FAM114A1: variants seen among roughly 807,000 people sequenced by gnomAD.
The protein encoded by FAM114A1 is family with sequence similarity 114 member A1, also known as protein NOXP20.
FAM114A1 carries 62 observed loss-of-function variants against 64.3 expected under a neutral mutation model. The ratio of observed to expected loss-of-function variants is 0.96; its 90% CI spans 0.79 to 1.19. The LOEUF is 1.19. FAM114A1 is among the 50% of genes most tolerant of loss of function. The pLI, the probability that FAM114A1 is intolerant of heterozygous loss-of-function variation, is 0.00. For missense variants in FAM114A1, 645 were observed against 676.3 expected (o/e 0.95, Z 0.51); for synonymous variants, 254 against 251.1 (o/e 1.01, Z -0.11).
intron 8 of FAM114A1, among the ~76,000 whole-genome samples, chr4:38,920,181 T>A (rs1243690634): frequency 1.3e-5 from 2 of 150,966 alleles, no homozygotes; most frequent in Non-Finnish European, 2.9e-5. Flanking sequence ...CACTCCAGCC[T>A]GGGCAGCAGA....
Position 38,878,202 on chromosome 4 carries a change from G to A in FAM114A1, c.124G>A (p.Glu42Lys), listed in dbSNP as rs1033476239. ...VHCDSAAVSH[E>K]PTPADPRGEG... ...TTGTGATTCAGCTGCAGTTTCACAT[G>A]AGCCAACACCAGCTGACCCCAGAGG... The change falls in exon 3 of 15, where the codon GAG becomes AAG. Residue 42 changes from glutamate to lysine, a missense_variant. By Grantham distance (56) the Glu-to-Lys change is moderately conservative. Coordinates refer to ENST00000358869, the MANE Select transcript of FAM114A1 (RefSeq NM_138389.4). 38 of 1,614,092 alleles carry A rather than the reference G, an allele frequency of 2.4e-5. No individual in the cohort carries two copies. Among genetic ancestry groups the A allele is most frequent in the Non-Finnish European group, 3.0e-5 (35 of 1,180,046 alleles).
At chr4:38,941,969 G>A (rs78512808) in intron 14 of FAM114A1, among the ~76,000 whole-genome samples, 2 of 152,178 alleles carry the variant, frequency 1.3e-5, no homozygotes, top group Admixed American at 1.3e-4. Context: ...ATTCCACGTG[G>A]CTGGGGAGGC....
At chr4:38,908,506 G>A (rs1489670630) in intron 6 of FAM114A1, 86 bp from the exon 7 acceptor site, 53 of 1,303,852 alleles carry the variant, frequency 4.1e-5, no homozygotes, top group Non-Finnish European at 5.5e-5. Context: ...AATATTTGAA[G>A]ATAGTGCCAG....
At chr4:38,940,733 C>T (rs1230557036) in intron 13 of FAM114A1, among the ~76,000 whole-genome samples, 1 of 152,142 alleles carries the variant, frequency 6.6e-6, no homozygotes, top group East Asian at 1.9e-4. Flanking sequence ...CTATTCTCTC[C>T]TCTTTAAATT....
chr4:38,878,338 C>A lies in FAM114A1; in HGVS notation c.260C>A (p.Thr87Asn). The change falls in exon 3 of 15, where the codon ACT (threonine) becomes AAT (asparagine). Residue 87 changes from threonine to asparagine, a missense_variant. Physicochemically the swap from Thr to Asn is moderately conservative, Grantham distance 65 (BLOSUM62 0). Transcript: ENST00000358869. ...GAGCCCCCTCTCAATGGAGACGTGA[C>A]TGAGGATACACTTGCTGAATGTATT... is the stretch of plus-strand genomic sequence containing the variant. ...ALEPPLNGDV[T>N]EDTLAECIDS... The A allele has an allele frequency of 6.2e-7, 1 of 1,614,196 alleles. No homozygotes were observed.
intron 2 of FAM114A1, among the ~76,000 whole-genome samples, chr4:38,877,204 A>C (rs1245644207): frequency 6.6e-6 from 1 of 152,116 alleles, no homozygotes; most frequent in Non-Finnish European, 1.5e-5. Flanking sequence ...TGCGGGGGAG[A>C]TGCTTTTGGG....
intron 4 of FAM114A1, 32 bp from the exon 5 acceptor site, chr4:38,905,490 G>A (rs781101600): frequency 4.0e-6 from 6 of 1,485,290 alleles, no homozygotes; most frequent in East Asian, 4.5e-5. Context: ...GATTTCTAAT[G>A]TATCCATGAA....
At chr4:38,936,308 A>G (rs1721091052) in intron 13 of FAM114A1, among the ~76,000 whole-genome samples, 1 of 151,088 alleles carries the variant, frequency 6.6e-6, no homozygotes, top group Admixed American at 6.6e-5. Flanking sequence ...GTTAGCCAGG[A>G]TGGTTTCGAT....
At chr4:38,883,154 C>T (rs973259886) in intron 3 of FAM114A1, among the ~76,000 whole-genome samples, 1 of 152,122 alleles carries the variant, frequency 6.6e-6, no homozygotes, top group Non-Finnish European at 1.5e-5. Context: ...ATGCATTATG[C>T]CCAGAAATCT....
intron 4 of FAM114A1, among the ~76,000 whole-genome samples, chr4:38,901,606 TG>T (rs1240586994): frequency 3.3e-5 from 5 of 152,210 alleles, no homozygotes; most frequent in African/African-American, 1.2e-4. Context: ...ATATTCTTTT[TG>T]CAAATTATTT....
intron 9 of FAM114A1, among the ~76,000 whole-genome samples, chr4:38,924,508 T>C (rs1719923407): frequency 6.6e-6 from 1 of 152,220 alleles, no homozygotes; most frequent in Non-Finnish European, 1.5e-5. Context: ...ATTCTAGGCA[T>C]TCAGAAACTG....
intron 2 of FAM114A1, among the ~76,000 whole-genome samples, chr4:38,871,470 TATAA>T (rs1360196044): frequency 2.0e-5 from 3 of 152,162 alleles, no homozygotes; most frequent in Non-Finnish European, 1.5e-5. Context: ...AACAATAATC[TATAA>T]ATATTTTAAA....
Position 38,905,602 on chromosome 4 carries a change from G to A in FAM114A1, c.517G>A (p.Ala173Thr), listed in dbSNP as rs372440711. 14 of 1,614,038 alleles carry A rather than the reference G, an allele frequency of 8.7e-6. No homozygotes were observed. Among genetic ancestry groups the A allele is most frequent in the African/African-American group, 2.7e-5 (2 of 74,926 alleles). ...TGTAAATTCTGGATCTTCTGAAGGA[G>A]CCCAACCAAATACTGAAAACGGAGT... ...HGVNSGSSEG[A>T]QPNTENGVPE... The change falls in exon 5 of 15, where the codon GCC (alanine) becomes ACC (threonine). Residue 173 changes from alanine to threonine, a missense_variant. By Grantham distance (58) the Ala-to-Thr change is moderately conservative. Coordinates refer to ENST00000358869, the MANE Select transcript of FAM114A1 (RefSeq NM_138389.4).
chr4:38,915,305 G>A (rs542869920), intron 8 of FAM114A1, among the ~76,000 whole-genome samples: 31 of 152,140 alleles, frequency 2.0e-4, no homozygotes, highest in Non-Finnish European at 3.5e-4. Flanking sequence ...CACAGTAAGA[G>A]CCACCACTAT....
At chr4:38,923,293 G>A (rs1719795585) in intron 9 of FAM114A1, among the ~76,000 whole-genome samples, 1 of 144,718 alleles carries the variant, frequency 6.9e-6, no homozygotes, top group Non-Finnish European at 1.5e-5. Context: ...GCGTGATATC[G>A]GCTCACTGCA....
chr4:38,935,525 G>A (rs1245502594), intron 12 of FAM114A1, among the ~76,000 whole-genome samples, 193 bp from the exon 13 acceptor site: 1 of 152,184 alleles, frequency 6.6e-6, no homozygotes, highest in Non-Finnish European at 1.5e-5. Flanking sequence ...ACCAGGATTA[G>A]ATTAAACTGT....
chr4:38,922,568 A>T (rs914180052), intron 8 of FAM114A1, among the ~76,000 whole-genome samples: 14 of 152,204 alleles, frequency 9.2e-5, no homozygotes, highest in African/African-American at 3.4e-4. Context: ...TCTCCCTTTA[A>T]AAATGAGAAA....
At chr4:38,897,275 G>C (rs1717031970) in intron 4 of FAM114A1, among the ~76,000 whole-genome samples, 1 of 152,134 alleles carries the variant, frequency 6.6e-6, no homozygotes, top group African/African-American at 2.4e-5. Context: ...AAATTCTAAG[G>C]TCTCTTCCAA....
chr4:38,944,776 A>G lies in FAM114A1; in HGVS notation c.*1219A>G, dbSNP rs939886041. The G allele has an allele frequency of 9.9e-5, 15 of 152,068 alleles. No homozygotes were observed. The highest frequency in any genetic ancestry group is 9.2e-4 in the Admixed American group (14 of 15,278). 9.4% of individuals were successfully genotyped at this position (152,068 alleles called of 1,614,324 possible). A position where few individuals can be genotyped will look rare whatever the true frequency, so the allele number is the denominator to read the frequency against. ...TAATGCCTGATGAATCTAATGCCTC[A>G]TGATCTGAGGTTGAATAGCTTCGTG... is the stretch of plus-strand genomic sequence containing the variant. On this transcript the variant is annotated 3_prime_UTR_variant, in exon 15 of 15. Coordinates refer to ENST00000358869, the MANE Select transcript of FAM114A1 (RefSeq NM_138389.4).
Sources: gnomAD v4.1 joint callset for allele counts (sites outside exome capture counted in the v4.1 genomes callset) on GRCh38, gnomAD v4.1.1 for gene constraint, MANE v1.5 for transcripts, NCBI Gene and HGNC (gene_info 2026-07-23, HGNC 2026-07-21) for gene names.